Variants in TRPS1 observed in about 807,000 individuals in gnomAD.
The protein encoded by TRPS1 is transcriptional repressor GATA binding 1, also known as zinc finger transcription factor Trps1.
In TRPS1, 6 loss-of-function variants were observed where a neutral mutation model predicts 101.2. The ratio of observed to expected loss-of-function variants is 0.06; its 90% CI spans 0.03 to 0.12. The LOEUF is 0.12. Ranked by LOEUF, TRPS1 falls within the 10% of genes least tolerant of loss-of-function variation. The pLI is 1.00. For synonymous variants in TRPS1, 578 were observed against 589.8 expected (o/e 0.98, Z 0.29); for missense variants, 1,363 against 1,567.0 (o/e 0.87, Z 2.20).
intron 5 of TRPS1, among the ~76,000 whole-genome samples, chr8:115,486,045 T>A (rs1474145344): frequency 6.6e-6 from 1 of 152,240 alleles, no homozygotes; most frequent in Non-Finnish European, 1.5e-5. Flanking sequence ...ACTGCATTTT[T>A]AACAAAATGT....
At chr8:115,580,700 T>G (rs1817427009) in intron 5 of TRPS1, among the ~76,000 whole-genome samples, 1 of 152,192 alleles carries the variant, frequency 6.6e-6, no homozygotes, top group African/African-American at 2.4e-5. Context: ...TCACCTGCTT[T>G]AGAAACCTGG....
At chr8:115,594,946 T>C (rs965593765) in intron 4 of TRPS1, among the ~76,000 whole-genome samples, 2 of 152,052 alleles carry the variant, frequency 1.3e-5, no homozygotes, top group Admixed American at 6.6e-5. Flanking sequence ...AGCTCTTTTT[T>C]ACTAGATAAT....
chr8:115,509,045 T>TA (rs905439335), intron 5 of TRPS1, among the ~76,000 whole-genome samples: 15 of 151,954 alleles, frequency 9.9e-5, no homozygotes, highest in East Asian at 1.9e-4. Context: ...TACTCTCCCT[T>TA]AAAAAAAATC....
intron 1 of TRPS1, among the ~76,000 whole-genome samples, chr8:115,654,751 G>A (rs1366749000): frequency 2.6e-5 from 4 of 151,996 alleles, no homozygotes; most frequent in African/African-American, 9.7e-5. Flanking sequence ...TAAGGTGTCT[G>A]AAAAAAGCAT....
At chr8:115,440,994 C>A (rs745946091) in intron 5 of TRPS1, among the ~76,000 whole-genome samples, 15 of 152,016 alleles carry the variant, frequency 9.9e-5, no homozygotes, top group Non-Finnish European at 1.9e-4. Flanking sequence ...TAAAAAAAAA[C>A]CTCATGATCT....
Position 115,414,089 on chromosome 8 carries a change from T to C in TRPS1, c.3819A>G (p.Thr1273=), listed in dbSNP as rs757810484. Residue 1273 remains threonine (T), a synonymous_variant, in exon 7 of 7, where the codon ACA becomes ACG. Coordinates refer to ENST00000395715, the MANE Select transcript of TRPS1 (RefSeq NM_014112.5). This position sits in a 1 kb window ranked among gnomAD's most constrained non-coding sequence, Gnocchi z 4.8. ...HLCTDKYDFT[T]HIQRGLHRNN... is the part of the protein sequence containing the mutation. ...TCCTATGCAGGCCCCTCTGGATATG[T>C]GTTGTGAAGTCATATTTGTCCGTGC... is the stretch of plus-strand genomic sequence containing the variant. 3 of 1,613,942 alleles carry C rather than the reference T, an allele frequency of 1.9e-6. No individual in the cohort carries two copies. The highest frequency in any genetic ancestry group is 2.2e-5 in the South Asian group (2 of 91,080).
At chr8:115,655,561 A>G (rs1030261048) in intron 1 of TRPS1, among the ~76,000 whole-genome samples, 8 of 152,154 alleles carry the variant, frequency 5.3e-5, no homozygotes, top group African/African-American at 1.9e-4. Flanking sequence ...ACATGGTTTT[A>G]TTAATGTAAC....
intron 1 of TRPS1, among the ~76,000 whole-genome samples, chr8:115,648,597 G>T (rs1411682009): frequency 6.6e-6 from 1 of 152,158 alleles, no homozygotes; most frequent in East Asian, 1.9e-4. Context: ...AAAGAAAATG[G>T]AATGCTATTT....
intron 4 of TRPS1, among the ~76,000 whole-genome samples, chr8:115,588,726 G>T (rs1249909442): frequency 6.6e-6 from 1 of 152,162 alleles, no homozygotes; most frequent in East Asian, 1.9e-4. Flanking sequence ...GATATAACTT[G>T]CTATGAATTA....
At chr8:115,426,443 G>T (rs1358682325) in intron 5 of TRPS1, among the ~76,000 whole-genome samples, 2 of 152,114 alleles carry the variant, frequency 1.3e-5, no homozygotes, top group African/African-American at 4.8e-5. Context: ...TAGAGAGTCA[G>T]ATACAGTTAT....
chr8:115,606,638 T>C (rs762299748), intron 3 of TRPS1, among the ~76,000 whole-genome samples: 1 of 151,954 alleles, frequency 6.6e-6, no homozygotes, highest in Non-Finnish European at 1.5e-5. Context: ...TTCAAAGCCA[T>C]ACACTCAAGG....
At chr8:115,552,733 A>G (rs919679400) in intron 5 of TRPS1, among the ~76,000 whole-genome samples, 3 of 152,114 alleles carry the variant, frequency 2.0e-5, no homozygotes, top group African/African-American at 7.2e-5. Context: ...TCTTCTTATA[A>G]TTTTTGTAAC....
chr8:115,635,488 T>A (rs976245203), intron 1 of TRPS1, among the ~76,000 whole-genome samples: 2 of 152,168 alleles, frequency 1.3e-5, no homozygotes, highest in African/African-American at 2.4e-5. Context: ...TTGAGTAAAG[T>A]GTTGAGTAAG....
chr8:115,515,576 T>C (rs575590250), intron 5 of TRPS1, among the ~76,000 whole-genome samples: 3 of 53,998 alleles, frequency 5.6e-5, no homozygotes, highest in East Asian at 1.1e-3. Flanking sequence ...TTCATGTTGA[T>C]AAGACATTAA....
intron 5 of TRPS1, among the ~76,000 whole-genome samples, chr8:115,448,616 C>T (rs1285348103): frequency 6.6e-6 from 1 of 152,214 alleles, no homozygotes; most frequent in Non-Finnish European, 1.5e-5. Flanking sequence ...AGACAATGCA[C>T]TTGAAATGCA....
At chr8:115,462,072 A>G (rs1041535092) in intron 5 of TRPS1, among the ~76,000 whole-genome samples, 1 of 152,152 alleles carries the variant, frequency 6.6e-6, no homozygotes, top group Non-Finnish European at 1.5e-5. Flanking sequence ...TTCTTGTGTC[A>G]ACAGAGCAAG....
intron 5 of TRPS1, among the ~76,000 whole-genome samples, chr8:115,519,383 A>G (rs1815801299): frequency 6.6e-6 from 1 of 151,636 alleles, no homozygotes; most frequent in African/African-American, 2.4e-5. Context: ...TCCACTACGT[A>G]AATTTGAAAT....
In TRPS1 at chr8:115,535,155, G is replaced by GTATAGCATA. The variant is rs71287284; in HGVS notation, c.2700+51837_2700+51845dup. On this transcript the variant is annotated intron_variant, in intron 5 of 6. Coordinates refer to ENST00000395715, the MANE Select transcript of TRPS1 (RefSeq NM_014112.5). ...TATATATAGCATATATATAGCATAT[G>GTATAGCATA]TATAGCATATGTATTGCATATATAG... 2.2e-5 allele frequency among the ~76,000 whole-genome samples: 3 copies of GTATAGCATA among 137,592 alleles called. 1 individual carries two copies. The South Asian group carries it at 7.0e-4, about 32-fold the overall frequency. The allele number at this position is 137,592 out of a possible 152,430, so 90.3% of individuals were successfully genotyped here.
At chr8:115,417,323 A>G (rs887694297) in intron 6 of TRPS1, among the ~76,000 whole-genome samples, 22 of 152,288 alleles carry the variant, frequency 1.4e-4, no homozygotes, top group African/African-American at 5.3e-4. Flanking sequence ...TTTACTGCCA[A>G]TTAGTAGTGT....
Sources: gnomAD v4.1 joint callset for allele counts (sites outside exome capture counted in the v4.1 genomes callset) on GRCh38, gnomAD v4.1.1 for gene constraint, Gnocchi (gnomAD v3.1) non-coding constraint, MANE v1.5 for transcripts, NCBI Gene and HGNC (gene_info 2026-07-23, HGNC 2026-07-21) for gene names.